The following SULF2 variants were observed in gnomAD, a reference collection of about 807,000 sequenced individuals.
SULF2 encodes sulfatase 2, also known as extracellular sulfatase Sulf-2.
SULF2 carries 52 observed loss-of-function variants against 107.7 expected under a neutral mutation model. The observed-to-expected ratio is 0.48, with a 90% CI of 0.39 to 0.61. SULF2 has a LOEUF of 0.61. SULF2 is among the 20% of genes least tolerant of loss of function. SULF2 has a pLI of 0.00. For missense variants in SULF2, 993 were observed against 1,177.3 expected (o/e 0.84, Z 2.29); for synonymous variants, 460 against 464.3 (o/e 0.99, Z 0.12).
At chr20:47,757,513 T>A in intron 1 of SULF2, 50 bp from the exon 2 acceptor site, 2 of 854,412 alleles carry the variant, frequency 2.3e-6, no homozygotes, top group Non-Finnish European at 3.5e-6. Context: ...GGCTGCCGGC[T>A]GCTCATTCTT....
intron 1 of SULF2, among the ~76,000 whole-genome samples, chr20:47,784,202 G>A (rs528515301): frequency 5.3e-5 from 8 of 152,316 alleles, no homozygotes; most frequent in African/African-American, 1.9e-4. Context: ...GTGGGAAACA[G>A]GCAGGGGACA....
At chr20:47,772,629 A>T (rs1239036446) in intron 1 of SULF2, among the ~76,000 whole-genome samples, 4 of 152,112 alleles carry the variant, frequency 2.6e-5, no homozygotes. Context: ...TTTACGTTGG[A>T]AATGGCATTT....
In SULF2 at chr20:47,664,206, C is replaced by T. The variant is rs749405114; in HGVS notation, c.1998-17G>A. The T allele has an allele frequency of 6.8e-6, 11 of 1,608,224 alleles. No individual in the cohort carries two copies. The highest frequency in any genetic ancestry group is 8.5e-6 in the Non-Finnish European group (10 of 1,177,614). ...GTGTGGTAGCTGTAACAGACCCCCC[C>T]AGCCCCAGGCTTCAGGAGTGGCTCA... On this transcript the variant is annotated splice_polypyrimidine_tract_variant and intron_variant, in intron 14 of 20. Coordinates refer to ENST00000688720, the MANE Select transcript of SULF2 (RefSeq NM_001387048.1).
At chr20:47,714,850 T>G (rs957152421) in intron 3 of SULF2, among the ~76,000 whole-genome samples, 2 of 152,202 alleles carry the variant, frequency 1.3e-5, no homozygotes, top group African/African-American at 4.8e-5. Context: ...TGCTGTTACC[T>G]GAAAGAAATC....
intron 3 of SULF2, among the ~76,000 whole-genome samples, chr20:47,730,993 G>T (rs1371084883): frequency 6.6e-6 from 1 of 152,014 alleles, no homozygotes; most frequent in East Asian, 1.9e-4. Flanking sequence ...GACTCAGGGT[G>T]GTCCAATCAG....
In SULF2 at chr20:47,677,090, A is replaced by C. The variant is rs1230104562; in HGVS notation, c.1238T>G (p.Leu413Trp). The change falls in exon 9 of 21, where the codon TTG (leucine) becomes TGG (tryptophan). Residue 413 changes from leucine to tryptophan, a missense_variant. Physicochemically the swap from Leu to Trp is moderately conservative, Grantham distance 61. This residue lies in a region of SULF2 where 108 missense variants were observed against 183.9 expected (regional missense o/e 0.59). Transcript: ENST00000688720. ...ACCCGGCACTCACCCTCTCTCCACC[A>C]AGAAGGAGTCCCGCCAGACCCTCAT... is the stretch of plus-strand genomic sequence containing the variant. The part of the protein sequence containing the change: ...KKMRVWRDSF[L>W]VERGKLLHKR... The C allele has an allele frequency of 1.2e-6, 2 of 1,613,300 alleles. No individual in the cohort carries two copies. The highest frequency in any genetic ancestry group is 3.3e-5 in the Admixed American group (2 of 59,986).
chr20:47,732,582 C>A (rs990690692), intron 3 of SULF2, among the ~76,000 whole-genome samples: 3 of 152,214 alleles, frequency 2.0e-5, no homozygotes, highest in Non-Finnish European at 2.9e-5. Context: ...TGGCTCACAC[C>A]TGTAATCCTA....
At chr20:47,716,951 A>C (rs958737850) in intron 3 of SULF2, among the ~76,000 whole-genome samples, 3 of 152,180 alleles carry the variant, frequency 2.0e-5, no homozygotes, top group Non-Finnish European at 2.9e-5. Flanking sequence ...TCGAGGCTGC[A>C]ATGAGCTGTG....
intron 3 of SULF2, among the ~76,000 whole-genome samples, chr20:47,734,336 C>T (rs67048983): frequency 0.072 from 10,895 of 152,200 alleles, 680 homozygotes; most frequent in African/African-American, 0.16. Flanking sequence ...TCAGCAGGAA[C>T]AATTTACTTT....
intron 1 of SULF2, among the ~76,000 whole-genome samples, chr20:47,784,490 G>A (rs556615883): frequency 1.3e-5 from 2 of 152,048 alleles, no homozygotes; most frequent in South Asian, 2.1e-4. Context: ...GGGAGTTGCG[G>A]ACCGAGGCCA....
chr20:47,695,912 C>T (rs759075162), intron 4 of SULF2, among the ~76,000 whole-genome samples: 7 of 152,158 alleles, frequency 4.6e-5, no homozygotes, highest in Admixed American at 3.3e-4. Context: ...TGCGCCTGGC[C>T]GGATTTCCTT....
At chr20:47,719,430 A>G (rs1021238992) in intron 3 of SULF2, among the ~76,000 whole-genome samples, 9 of 152,090 alleles carry the variant, frequency 5.9e-5, no homozygotes, top group Non-Finnish European at 1.0e-4. Context: ...ACAGGATGGG[A>G]TGCTGCTTTA....
chr20:47,690,360 G>A (rs774804664), intron 4 of SULF2, 65 bp from the exon 5 acceptor site: 553 of 1,291,564 alleles, frequency 4.3e-4, no homozygotes, highest in Non-Finnish European at 4.8e-4. Context: ...TGTCCACTAC[G>A]TGCCAGGCAC....
In SULF2 at chr20:47,657,976, T is replaced by G. The variant is rs762905667; in HGVS notation, c.*386A>C. ...ATAAGAGGATTTAGAACAGGACTGC[T>G]TTTCCCCTATGATTTAAAAATTCCA... On this transcript the variant is annotated 3_prime_UTR_variant, in exon 21 of 21. Coordinates refer to ENST00000688720, the MANE Select transcript of SULF2 (RefSeq NM_001387048.1). The G allele has an allele frequency of 7.6e-6, 2 of 264,348 alleles. No homozygotes were observed. Among genetic ancestry groups the G allele is most frequent in the Non-Finnish European group, 1.5e-5 (2 of 137,632 alleles). 16.4% of individuals were successfully genotyped at this position (264,348 alleles called of 1,614,324 possible).
chr20:47,763,881 G>A (rs938403479), intron 1 of SULF2, among the ~76,000 whole-genome samples: 2 of 152,104 alleles, frequency 1.3e-5, no homozygotes, highest in Non-Finnish European at 2.9e-5. Context: ...CCACTGAACG[G>A]CCTTCAATAA....
At chr20:47,737,692 TAC>T (rs1430264480) in intron 2 of SULF2, among the ~76,000 whole-genome samples, 1 of 151,636 alleles carries the variant, frequency 6.6e-6, no homozygotes, top group Non-Finnish European at 1.5e-5. Context: ...GTGTCCTGAG[TAC>T]TGATCATACC....
intron 3 of SULF2, among the ~76,000 whole-genome samples, chr20:47,722,086 C>T (rs945582627): frequency 1.3e-5 from 2 of 152,144 alleles, no homozygotes; most frequent in East Asian, 3.9e-4. Flanking sequence ...ACAGAAAACG[C>T]AAGAAGCAGA....
chr20:47,746,222 A>C (rs1203111909), intron 2 of SULF2, among the ~76,000 whole-genome samples: 1 of 152,232 alleles, frequency 6.6e-6, no homozygotes, highest in East Asian at 1.9e-4. Context: ...TAAATCTGCA[A>C]AGGTAACGCT....
intron 1 of SULF2, among the ~76,000 whole-genome samples, chr20:47,780,613 GT>G (rs2090813968): frequency 6.6e-6 from 1 of 152,078 alleles, no homozygotes; most frequent in Non-Finnish European, 1.5e-5. Flanking sequence ...GAGTGCAGTA[GT>G]GCGATCTCAG....
Sources: allele counts gnomAD v4.1 joint callset (sites outside exome capture counted in the v4.1 genomes callset), GRCh38; gene constraint gnomAD v4.1.1; regional missense constraint gnomAD v4.1.1; transcripts MANE v1.5; gene names NCBI Gene and HGNC (gene_info 2026-07-23, HGNC 2026-07-21).